Variants in OCA2 observed in about 807,000 individuals in gnomAD.
OCA2 encodes OCA2 melanosomal transmembrane protein.
OCA2 carries 77 observed loss-of-function variants against 100.2 expected under a neutral mutation model. The ratio of observed to expected loss-of-function variants is 0.77; its 90% CI spans 0.64 to 0.93. The LOEUF is 0.93. OCA2 is among the 40% of genes least tolerant of loss of function. The pLI, the probability that OCA2 is intolerant of heterozygous loss-of-function variation, is 0.00. For missense variants in OCA2, 1,062 were observed against 1,089.1 expected (o/e 0.98, Z 0.35); for synonymous variants, 432 against 439.2 (o/e 0.98, Z 0.21).
intron 23 of OCA2, among the ~76,000 whole-genome samples, chr15:27,770,764 C>A (rs922364443): frequency 1.7e-5 from 1 of 59,708 alleles, no homozygotes; most frequent in East Asian, 3.2e-4. Context: ...CTTCCTCTCT[C>A]CCTCCCTCCC....
intron 2 of OCA2, among the ~76,000 whole-genome samples, chr15:28,050,052 G>A (rs760242828): frequency 3.9e-5 from 6 of 152,294 alleles, no homozygotes; most frequent in Non-Finnish European, 8.8e-5. Context: ...GCTAAGGCAG[G>A]AGGATCATTT....
At chr15:27,858,388 G>GAAAAAA (rs200488887) in intron 21 of OCA2, among the ~76,000 whole-genome samples, 2 of 49,410 alleles carry the variant, frequency 4.0e-5, no homozygotes, top group Non-Finnish European at 8.8e-5. Flanking sequence ...AAGAAAGAAA[G>GAAAAAA]AAAAAAAAAA....
At chr15:28,077,015 A>T (rs2044452319) in intron 2 of OCA2, among the ~76,000 whole-genome samples, 1 of 151,618 alleles carries the variant, frequency 6.6e-6, no homozygotes, top group Non-Finnish European at 1.5e-5. Flanking sequence ...GGAAAGAGAG[A>T]GTGGAGAGAG....
chr15:27,871,066 C>G (rs1283677495), intron 21 of OCA2, 88 bp downstream of exon 21: 3 of 971,976 alleles, frequency 3.1e-6, no homozygotes, highest in Non-Finnish European at 3.3e-6. Flanking sequence ...GGGCAGGCTT[C>G]ATCCTCTGCT....
chr15:27,904,478 G>A (rs1241496401), intron 19 of OCA2, among the ~76,000 whole-genome samples: 3 of 152,118 alleles, frequency 2.0e-5, no homozygotes, highest in Non-Finnish European at 2.9e-5. Context: ...AGGGAGGTGC[G>A]GGGGTGGCTG....
intron 4 of OCA2, 31 bp downstream of exon 4, chr15:28,027,825 GTGCGGCCACCGCTGC>G: frequency 6.3e-7 from 1 of 1,597,924 alleles, no homozygotes; most frequent in Non-Finnish European, 8.5e-7. Context: ...AGGACGCGAT[GTGCGGCCACCGCTGC>G]TGCCAGGGTG....
At chr15:28,037,929 G>A (rs1360471028) in intron 2 of OCA2, among the ~76,000 whole-genome samples, 1 of 152,200 alleles carries the variant, frequency 6.6e-6, no homozygotes, top group Non-Finnish European at 1.5e-5. Context: ...GCCACAGCAA[G>A]CCAACAGAAC....
At chr15:27,952,124 G>A (rs776997627) in intron 17 of OCA2, among the ~76,000 whole-genome samples, 1 of 152,206 alleles carries the variant, frequency 6.6e-6, no homozygotes, top group Non-Finnish European at 1.5e-5. Context: ...GAGTAGCACA[G>A]CCCTGTTATG....
chr15:28,088,228 C>G (rs907976442), intron 1 of OCA2, among the ~76,000 whole-genome samples: 2 of 152,186 alleles, frequency 1.3e-5, no homozygotes, highest in Non-Finnish European at 2.9e-5. Flanking sequence ...TTTCCCTCTC[C>G]TCTTGATTTT....
intron 19 of OCA2, among the ~76,000 whole-genome samples, chr15:27,923,858 A>G (rs1304182168): frequency 1.3e-5 from 2 of 152,052 alleles, no homozygotes; most frequent in African/African-American, 2.4e-5. Flanking sequence ...GAAGCTCTTT[A>G]GTTTAATAGA....
chr15:27,771,190 A>T (rs1480557673), intron 23 of OCA2, among the ~76,000 whole-genome samples: 1 of 148,012 alleles, frequency 6.8e-6, no homozygotes, highest in Non-Finnish European at 1.5e-5. Context: ...GAACGCCTCC[A>T]TCAGGTCCCC....
chr15:27,744,394 G>A, the OCA2 span, among the ~76,000 whole-genome samples: 1 of 152,178 alleles, frequency 6.6e-6, no homozygotes, highest in African/African-American at 2.4e-5. Context: ...GGCTGGATGG[G>A]GGAACCGTGG....
chr15:27,902,932 C>A (rs1316414979), intron 19 of OCA2, among the ~76,000 whole-genome samples: 1 of 152,234 alleles, frequency 6.6e-6, no homozygotes, highest in Non-Finnish European at 1.5e-5. Context: ...TGGGCGCTGG[C>A]TGGGCGGCCT....
chr15:27,752,391 C>T (rs1248265258), downstream of OCA2, among the ~76,000 whole-genome samples: 2 of 152,194 alleles, frequency 1.3e-5, no homozygotes, highest in Non-Finnish European at 2.9e-5. Context: ...GATTGTTCAC[C>T]TAATAATTCT....
intron 6 of OCA2, among the ~76,000 whole-genome samples, chr15:28,020,289 G>A (rs1483136513): frequency 6.6e-6 from 1 of 152,212 alleles, no homozygotes; most frequent in African/African-American, 2.4e-5. Flanking sequence ...TGGGTGGGAT[G>A]ACCAGAGGGC....
chr15:27,883,054 T>C (rs1245617282), intron 19 of OCA2, among the ~76,000 whole-genome samples: 1 of 152,158 alleles, frequency 6.6e-6, no homozygotes, highest in Non-Finnish European at 1.5e-5. Context: ...TGCAAGTTCA[T>C]GAACAGAACT....
intron 2 of OCA2, among the ~76,000 whole-genome samples, chr15:28,039,740 G>A (rs539622388): frequency 2.0e-5 from 3 of 152,272 alleles, no homozygotes; most frequent in South Asian, 2.1e-4. Context: ...GTCCTTATAA[G>A]AAGAGGAAGT....
At chr15:28,054,821 G>C (rs897613275) in intron 2 of OCA2, among the ~76,000 whole-genome samples, 3 of 152,148 alleles carry the variant, frequency 2.0e-5, no homozygotes, top group Non-Finnish European at 4.4e-5. Context: ...CACATGGCTG[G>C]GAAGGCCTCA....
chr15:28,030,086 T>C (rs1257272875), intron 3 of OCA2, among the ~76,000 whole-genome samples: 1 of 152,162 alleles, frequency 6.6e-6, no homozygotes, highest in East Asian at 1.9e-4. Context: ...AGGGAATAGG[T>C]GCGTAAAGTT....
Sources: allele counts gnomAD v4.1 joint callset (sites outside exome capture counted in the v4.1 genomes callset), GRCh38; gene constraint gnomAD v4.1.1; transcripts MANE v1.5; gene names NCBI Gene and HGNC (gene_info 2026-07-23, HGNC 2026-07-21).